Variants in USP34 observed in about 807,000 individuals in gnomAD.
USP34 encodes ubiquitin carboxyl-terminal hydrolase 34.
In USP34, 70 loss-of-function variants were observed where a neutral mutation model predicts 460.3. The observed-to-expected ratio is 0.15, with a 90% confidence interval of 0.13 to 0.19. The LOEUF is 0.19. Ranked by LOEUF, USP34 falls within the 10% of genes least tolerant of loss-of-function variation. USP34 has a pLI of 1.00. For synonymous variants in USP34, 1,647 were observed against 1,405.3 expected, an observed-to-expected ratio of 1.17 and a Z score of -3.85; for missense variants, 3,985 against 4,236.2, an observed-to-expected ratio of 0.94 and a Z score of 1.65.
chr2:61,445,053 A>G (rs1695070197), intron 1 of USP34, among the ~76,000 whole-genome samples: 1 of 151,988 alleles, frequency 6.6e-6, no homozygotes, highest in Admixed American at 6.6e-5. Context: ...TGAAGAAGCA[A>G]TAGTAACTGC....
chr2:61,225,137 T>A (rs1344847325), intron 62 of USP34, among the ~76,000 whole-genome samples: 1 of 152,150 alleles, frequency 6.6e-6, no homozygotes, highest in African/African-American at 2.4e-5. Context: ...GATTTTCTGT[T>A]TGCAAATATA....
intron 2 of USP34, among the ~76,000 whole-genome samples, chr2:61,414,273 T>TA (rs33955394): frequency 0.43 from 63,640 of 147,708 alleles, 14,271 homozygotes; most frequent in South Asian, 0.69. Flanking sequence ...TAAATAACTT[T>TA]AAAAAAAAAA....
In USP34 at chr2:61,314,695, C is replaced by T. The variant is rs1690689575; in HGVS notation, c.3432G>A (p.Glu1144=). 6.3e-7 allele frequency: 1 copy of T among 1,597,054 alleles called. No individual in the cohort carries two copies. Among genetic ancestry groups the T allele is most frequent in the African/African-American group, 1.4e-5 (1 of 73,900 alleles). ...KEQEFISKCM[E]SLMIASSSLE... ...GACTGCTAGAAGCTATCATAAGACT[C>T]TCCATGCACTTACTAATAAATTCTT... The change falls in exon 25 of 80, where the codon GAG becomes GAA. Residue 1144 remains glutamate (E), a synonymous_variant. Coordinates refer to ENST00000398571, the MANE Select transcript of USP34 (RefSeq NM_014709.4).
At chr2:61,339,058 A>C (rs1425786147) in intron 18 of USP34, among the ~76,000 whole-genome samples, 1 of 152,198 alleles carries the variant, frequency 6.6e-6, no homozygotes, top group Non-Finnish European at 1.5e-5. Flanking sequence ...AAAACAGAGT[A>C]ATCACCAAGG....
chr2:61,397,751 T>G (rs1423185668), intron 3 of USP34, among the ~76,000 whole-genome samples: 1 of 151,716 alleles, frequency 6.6e-6, no homozygotes. Flanking sequence ...ATACACAAAT[T>G]AGCTGGGCGT....
At chr2:61,393,539 T>G (rs1235517096) in intron 5 of USP34, among the ~76,000 whole-genome samples, 1 of 152,194 alleles carries the variant, frequency 6.6e-6, no homozygotes, top group African/African-American at 2.4e-5. Flanking sequence ...AAAATGACCT[T>G]GATAGTAATC....
chr2:61,210,390 T>C (rs979836361), intron 69 of USP34, among the ~76,000 whole-genome samples: 3 of 152,198 alleles, frequency 2.0e-5, no homozygotes, highest in African/African-American at 7.2e-5. Flanking sequence ...TTGCCTACAG[T>C]ATTCAGTGTA....
chr2:61,401,018 G>T (rs1294520027), intron 3 of USP34, among the ~76,000 whole-genome samples: 2 of 151,462 alleles, frequency 1.3e-5, no homozygotes, highest in African/African-American at 2.4e-5. Context: ...GGCATTTTGG[G>T]TGCGCGCCTG....
chr2:61,387,028 A>T (rs1230615444), intron 5 of USP34, among the ~76,000 whole-genome samples: 1 of 152,202 alleles, frequency 6.6e-6, no homozygotes, highest in African/African-American at 2.4e-5. Context: ...TCTAAAACAC[A>T]CAAGGAAATT....
At chr2:61,219,880 ATG>A (rs1428079936) in intron 67 of USP34, among the ~76,000 whole-genome samples, 2 of 152,066 alleles carry the variant, frequency 1.3e-5, no homozygotes, top group Non-Finnish European at 2.9e-5. Context: ...TATTTTTGAT[ATG>A]TGTCTACCTG....
At chr2:61,302,650 A>G (rs1418626454) in intron 27 of USP34, among the ~76,000 whole-genome samples, 2 of 152,220 alleles carry the variant, frequency 1.3e-5, no homozygotes, top group East Asian at 3.8e-4. Flanking sequence ...CCCAAACTGA[A>G]CAAGTCATAT....
chr2:61,463,066 G>T (rs923542698), intron 1 of USP34, among the ~76,000 whole-genome samples: 2 of 152,036 alleles, frequency 1.3e-5, no homozygotes, highest in African/African-American at 4.8e-5. Context: ...TAGATTAAAT[G>T]TCTACTGAAA....
At chr2:61,271,716 G>A (rs1213062806) in intron 41 of USP34, among the ~76,000 whole-genome samples, 4 of 151,848 alleles carry the variant, frequency 2.6e-5, no homozygotes, top group African/African-American at 4.8e-5. Flanking sequence ...GGAAGGAGGA[G>A]GAAGCAGTAG....
intron 3 of USP34, among the ~76,000 whole-genome samples, chr2:61,402,313 C>A (rs932171040): frequency 1.3e-5 from 2 of 151,948 alleles, no homozygotes; most frequent in Non-Finnish European, 2.9e-5. Context: ...AGGCCATTCC[C>A]CCTTTTGATC....
chr2:61,323,677 C>T (rs1421995789), intron 21 of USP34, among the ~76,000 whole-genome samples: 1 of 152,070 alleles, frequency 6.6e-6, no homozygotes, highest in Non-Finnish European at 1.5e-5. Flanking sequence ...ACTATCTGGA[C>T]AGTAGCTATT....
Position 61,347,990 on chromosome 2 carries a change from C to T in USP34, c.2165G>A (p.Cys722Tyr). 6.2e-7 allele frequency: 1 copy of T among 1,614,130 alleles called. No homozygotes were observed. The highest frequency in any genetic ancestry group is 1.7e-5 in the Admixed American group (1 of 60,016). The change falls in exon 15 of 80, where the codon TGT (cysteine) becomes TAT (tyrosine). Residue 722 changes from cysteine to tyrosine, a missense_variant. Cys to Tyr is a radical substitution (Grantham distance 194, BLOSUM62 -2). Transcript: ENST00000398571. ...THIAQGSQES[C>Y]ITRTGDFLGE... ...AAGGAAGTCCCCAGTTCGTGTGATA[C>T]AAGACTCCTGAGACCCTTGTGCTAT... is the stretch of plus-strand genomic sequence containing the variant.
intron 1 of USP34, among the ~76,000 whole-genome samples, chr2:61,426,523 G>C (rs935040660): frequency 6.6e-6 from 1 of 152,170 alleles, no homozygotes; most frequent in Non-Finnish European, 1.5e-5. Flanking sequence ...AAAAGAGTGA[G>C]AAGTACCAGT....
intron 3 of USP34, among the ~76,000 whole-genome samples, chr2:61,405,232 C>CAAAAAAAAAAAAAAAAAAAAAA (rs199659618): frequency 1.2e-4 from 9 of 78,060 alleles, no homozygotes; most frequent in African/African-American, 1.5e-4. Flanking sequence ...GACTCCATCT[C>CAAAAAAAAAAAAAAAAAAAAAA]AAAAAAAAAA....
chr2:61,235,082 G>C (rs1688026889), intron 57 of USP34, among the ~76,000 whole-genome samples: 1 of 152,154 alleles, frequency 6.6e-6, no homozygotes, highest in Admixed American at 6.6e-5. Flanking sequence ...TAAGGGAGGA[G>C]ATCTTGTGTC....
Sources: gnomAD v4.1 joint callset for allele counts (sites outside exome capture counted in the v4.1 genomes callset) on GRCh38, gnomAD v4.1.1 for gene constraint, MANE v1.5 for transcripts, NCBI Gene and HGNC (gene_info 2026-07-23, HGNC 2026-07-21) for gene names.